ZC3H12B: variants seen among roughly 807,000 people sequenced by gnomAD.
The protein encoded by ZC3H12B is zinc finger CCCH-type containing 12B, also known as probable ribonuclease ZC3H12B.
A neutral mutation model predicts 43.9 loss-of-function variants in ZC3H12B; 7 were observed. The observed-to-expected ratio is 0.16, with a 90% CI of 0.09 to 0.30. The LOEUF (loss-of-function observed/expected upper bound fraction) is 0.30, where lower values mean the gene tolerates loss of function less well. ZC3H12B is among the 10% of genes least tolerant of loss of function. The pLI, the probability that ZC3H12B is intolerant of heterozygous loss-of-function variation, is 1.00. For synonymous variants in ZC3H12B, 222 were observed against 241.7 expected (o/e 0.92, Z 0.76); for missense variants, 475 against 670.2 (o/e 0.71, Z 3.22).
the ZC3H12B span, among the ~76,000 whole-genome samples, chrX:65,352,589 C>T: frequency 3.6e-5 from 4 of 111,497 alleles, no homozygotes; most frequent in African/African-American, 1.3e-4. Flanking sequence ...TTACAATTCT[C>T]TATATACTAA....
At chrX:65,065,836 GT>G in the ZC3H12B span, among the ~76,000 whole-genome samples, 34 of 100,759 alleles carry the variant, frequency 3.4e-4, no homozygotes, top group East Asian at 6.4e-4. Context: ...GGCTTTGTTT[GT>G]TTTTTTTTTA....
intron 3 of ZC3H12B, chrX:65,408,489 G>T: frequency 5.8e-6 from 7 of 1,210,437 alleles, no homozygotes; most frequent in Non-Finnish European, 6.7e-6. Context: ...CTTTCTTATG[G>T]CCACGGACCC....
chrX:65,196,085 C>T, the ZC3H12B span, among the ~76,000 whole-genome samples: 1 of 110,833 alleles, frequency 9.0e-6, no homozygotes, highest in African/African-American at 3.3e-5. Flanking sequence ...CTTTACTCAT[C>T]CGTCGCTGAA....
chrX:65,199,502 T>G, the ZC3H12B span, among the ~76,000 whole-genome samples: 1 of 110,467 alleles, frequency 9.1e-6, no homozygotes, highest in African/African-American at 3.3e-5. Flanking sequence ...GTTACATAGG[T>G]AGACGTGTGC....
chrX:65,186,813 C>A, the ZC3H12B span, among the ~76,000 whole-genome samples: 9 of 111,910 alleles, frequency 8.0e-5, no homozygotes, highest in Non-Finnish European at 1.7e-4. Flanking sequence ...AGTTGCTTCA[C>A]TTGGAATAAT....
intron 3 of ZC3H12B, chrX:65,408,017 T>A (rs767082533): frequency 8.9e-5 from 97 of 1,089,229 alleles, no homozygotes; most frequent in Non-Finnish European, 1.1e-4. Context: ...CTCGGCGGGA[T>A]TAAAGTTGGA....
At chrX:65,094,544 A>G in the ZC3H12B span, among the ~76,000 whole-genome samples, 6 of 111,397 alleles carry the variant, frequency 5.4e-5, no homozygotes, top group African/African-American at 2.0e-4. Flanking sequence ...GGGCCTACTA[A>G]GTTATGATTT....
the ZC3H12B span, among the ~76,000 whole-genome samples, chrX:65,283,873 G>A: frequency 9.0e-6 from 1 of 111,553 alleles, no homozygotes; most frequent in Non-Finnish European, 1.9e-5. Context: ...CAGGAAGTGG[G>A]TGAAGCCTGG....
chrX:65,203,800 G>A, the ZC3H12B span, among the ~76,000 whole-genome samples: 1 of 111,504 alleles, frequency 9.0e-6, no homozygotes, highest in African/African-American at 3.3e-5. Flanking sequence ...ACAGCACCAG[G>A]ACTTGCCCAG....
chrX:65,096,194 C>A, the ZC3H12B span, among the ~76,000 whole-genome samples: 1 of 90,599 alleles, frequency 1.1e-5, no homozygotes, highest in African/African-American at 4.4e-5. Flanking sequence ...GGGAGGGAAA[C>A]AACACACACT....
chrX:65,347,773 AG>A, the ZC3H12B span, among the ~76,000 whole-genome samples: 1 of 112,473 alleles, frequency 8.9e-6, no homozygotes, highest in African/African-American at 3.2e-5. Context: ...GCTGCTATAA[AG>A]ACACATGCAC....
the ZC3H12B span, among the ~76,000 whole-genome samples, chrX:65,269,762 AG>A: frequency 9.0e-6 from 1 of 110,585 alleles, no homozygotes; most frequent in Non-Finnish European, 1.9e-5. Flanking sequence ...AGCCTCCCAA[AG>A]GGCTGGGCTT....
upstream of ZC3H12B, among the ~76,000 whole-genome samples, chrX:65,487,423 C>T (rs1023126424): frequency 7.2e-5 from 8 of 111,349 alleles, no homozygotes; most frequent in Non-Finnish European, 1.3e-4. Context: ...GCCTGTAATC[C>T]CAGCTACTTG....
chrX:65,291,196 G>C, the ZC3H12B span, among the ~76,000 whole-genome samples: 2 of 111,317 alleles, frequency 1.8e-5, no homozygotes, highest in Non-Finnish European at 3.8e-5. Flanking sequence ...AGTGCTTATT[G>C]AACTGTAAAA....
At chrX:65,450,800 CAT>C (rs1156902967) in intron 3 of ZC3H12B, among the ~76,000 whole-genome samples, 3 of 56,154 alleles carry the variant, frequency 5.3e-5, no homozygotes, top group Non-Finnish European at 8.8e-5. Flanking sequence ...TATATATATA[CAT>C]ATGTGTATAT....
intron 3 of ZC3H12B, among the ~76,000 whole-genome samples, chrX:65,474,616 T>A (rs7054449): frequency 0.084 from 9,158 of 108,812 alleles, 1,040 homozygotes; most frequent in African/African-American, 0.29. Context: ...TTCCATATAT[T>A]TTTTTTTTTT....
At chrX:65,387,213 G>T (rs779842428) in intron 2 of ZC3H12B, among the ~76,000 whole-genome samples, 1 of 111,586 alleles carries the variant, frequency 9.0e-6, no homozygotes, top group Admixed American at 9.6e-5. Context: ...TTAACTTTCT[G>T]TCTTGTTGAT....
chrX:65,118,651 T>C, the ZC3H12B span, among the ~76,000 whole-genome samples: 2 of 110,634 alleles, frequency 1.8e-5, no homozygotes, highest in Non-Finnish European at 3.8e-5. Flanking sequence ...AGTTTTCTTT[T>C]TTTTTGTTTT....
At chrX:65,043,320 A>T in the ZC3H12B span, among the ~76,000 whole-genome samples, 1 of 110,947 alleles carries the variant, frequency 9.0e-6, no homozygotes, top group South Asian at 3.8e-4. Flanking sequence ...AGTAGAGCAC[A>T]TTTGCCATAT....
Sources: allele counts gnomAD v4.1 joint callset (sites outside exome capture counted in the v4.1 genomes callset), GRCh38; gene constraint gnomAD v4.1.1; transcripts MANE v1.5; gene names NCBI Gene and HGNC (gene_info 2026-07-23, HGNC 2026-07-21).